The following CTRC variants were observed in gnomAD, a reference collection of about 807,000 sequenced individuals.
CTRC encodes the protein chymotrypsin-C.
In CTRC, 32 loss-of-function variants were observed where a neutral mutation model predicts 35.7. The ratio of observed to expected loss-of-function variants is 0.90; its 90% confidence interval spans 0.68 to 1.20. The LOEUF (loss-of-function observed/expected upper bound fraction) is 1.20, where lower values mean the gene tolerates loss of function less well. Among genes scored for constraint, CTRC ranks in the 50% most tolerant of loss-of-function variants. CTRC has a pLI of 0.00. For synonymous variants in CTRC, 119 were observed against 149.5 expected, an observed-to-expected ratio of 0.80 and a Z score of 1.49; for missense variants, 324 against 361.5, an observed-to-expected ratio of 0.90 and a Z score of 0.84.
chr1:15,440,635 G>A lies in CTRC; in HGVS notation c.230+45G>A, dbSNP rs545837377. 95 of 1,570,976 alleles carry A rather than the reference G, an allele frequency of 6.0e-5. No homozygotes were observed. In the East Asian group the frequency reaches 8.4e-4, roughly 14 times the overall value. On this transcript the variant is annotated intron_variant, in intron 3 of 7. Coordinates refer to ENST00000375949, the MANE Select transcript of CTRC (RefSeq NM_007272.3). ...TGAGACCTGGCCATCGTCCGGGGGC[G>A]GAAGCCTGATACTCTGCTTTTTCTG...
rs536481690 is a variant in CTRC, at chr1:15,438,776, C to A, written c.40+272C>A. ...AAGCACCACGCAAGGGGGAGGGACA[C>A]GAGATGCCTCATCCTGGGTTCACCC... is the stretch of plus-strand genomic sequence containing the variant. On this transcript the variant is annotated intron_variant, in intron 1 of 7. Transcript: ENST00000375949. Among the ~76,000 whole-genome samples the A allele has an allele frequency of 3.3e-5, 5 of 152,284 alleles. No homozygotes were observed. In the East Asian group the frequency reaches 9.7e-4, roughly 29 times the overall value.
rs1199793577 is a variant in CTRC at position 15,440,514 on chromosome 1, A to G, written c.154A>G (p.Asn52Asp). 5.0e-6 allele frequency: 8 copies of G among 1,614,192 alleles called. No individual in the cohort carries two copies. Among genetic ancestry groups the G allele is most frequent in the Admixed American group, 3.3e-5 (2 of 60,026 alleles). ...PWQISLQYLKNDTWRHTCGGT... is the reference protein window; with the variant it reads ...PWQISLQYLKDDTWRHTCGGT... ...GCAGATCTCCCTCCAGTACCTCAAG[A>G]ACGACACGTGGAGGCATACGTGTGG... The change falls in exon 3 of 8, where the codon AAC becomes GAC. Residue 52 changes from asparagine (N) to aspartate (D), a missense_variant. Physicochemically the swap from Asn to Asp is conservative, Grantham distance 23. Coordinates refer to ENST00000375949, the MANE Select transcript of CTRC (RefSeq NM_007272.3).
At chr1:15,445,810 C>T (rs2103293305) in intron 7 of CTRC, 61 bp downstream of exon 7, 1 of 1,584,964 alleles carries the variant, frequency 6.3e-7, no homozygotes, top group Admixed American at 1.7e-5. Flanking sequence ...ACTCACCCAT[C>T]CCCTCACTCA....
At chr1:15,445,490 C>A (rs1403689677) in intron 6 of CTRC, 107 bp from the exon 7 acceptor site, 1 of 1,212,496 alleles carries the variant, frequency 8.2e-7, no homozygotes, top group Non-Finnish European at 1.2e-6. Flanking sequence ...TGTCCACTAA[C>A]TAAGGCTGAG....
intron 7 of CTRC, 60 bp downstream of exon 7, chr1:15,445,809 T>TC (rs1708209389): frequency 6.3e-7 from 1 of 1,584,524 alleles, no homozygotes; most frequent in Non-Finnish European, 8.7e-7. Context: ...CACTCACCCA[T>TC]CCCCTCACTC....
chr1:15,440,602 T>C lies in CTRC; in HGVS notation c.230+12T>C. 6.2e-7 allele frequency: 1 copy of C among 1,613,246 alleles called. No homozygotes were observed. On this transcript the variant is annotated intron_variant, in intron 3 of 7. Transcript: ENST00000375949. ...GCCCACTGCATCAGGTGTGCGGGGA[T>C]GATACCCTGAGACCTGGCCATCGTC...
Position 15,447,313 on chromosome 1 carries a change from T to C in CTRC, c.*724T>C. The C allele has an allele frequency of 6.4e-6, 1 of 155,702 alleles. No homozygotes were observed. The highest frequency in any genetic ancestry group is 1.4e-5 in the Non-Finnish European group (1 of 70,306). The allele number at this position is 155,702 out of a possible 1,614,324, so 9.6% of individuals were successfully genotyped here. A position where few individuals can be genotyped will look rare whatever the true frequency, so the allele number is the denominator to read the frequency against. ...AGCATCATCCTCAGGAGACATACGT[T>C]TGAAGAAGGCAATGGTTTCCACACA... On this transcript the variant is annotated 3_prime_UTR_variant, in exon 8 of 8. Transcript: ENST00000375949.
At chr1:15,442,351 C>G in intron 3 of CTRC, 96 bp from the exon 4 acceptor site, 1 of 1,472,420 alleles carries the variant, frequency 6.8e-7, no homozygotes, top group Non-Finnish European at 9.3e-7. Flanking sequence ...TCTCTTCCCC[C>G]AAAATGAGTC....
Position 15,440,564 on chromosome 1 carries a change from C to G in CTRC, c.204C>G (p.Phe68Leu), listed in dbSNP as rs773793601. Residue 68 changes from phenylalanine to leucine, a missense_variant, in exon 3 of 8, where the codon TTC (phenylalanine) becomes TTG (leucine). Physicochemically the swap from Phe to Leu is conservative, Grantham distance 22. Coordinates refer to ENST00000375949, the MANE Select transcript of CTRC (RefSeq NM_007272.3). ...TCGGTLIASN[F>L]VLTAAHCISN... ...GCGGGACTTTGATTGCTAGCAACTTCGTCCTCACTGCCGCCCACTGCATCA... is the reference window on the plus strand; with the variant it reads ...GCGGGACTTTGATTGCTAGCAACTTGGTCCTCACTGCCGCCCACTGCATCA... 6.2e-7 allele frequency: 1 copy of G among 1,614,202 alleles called. No individual in the cohort carries two copies.
At chr1:15,444,882 C>T in intron 6 of CTRC, 131 bp downstream of exon 6, 1 of 1,146,770 alleles carries the variant, frequency 8.7e-7, no homozygotes. Flanking sequence ...CCAGCAGGCT[C>T]AGGGTAAGCC....
In CTRC at chr1:15,443,554, G is replaced by C; in HGVS notation, c.492G>C (p.Trp164Cys). 1 of 1,614,214 alleles carries C rather than the reference G, an allele frequency of 6.2e-7. No individual in the cohort carries two copies. ...ATGTCACCGGCTGGGGCCGCCTCTG[G>C]AGTGAGTATCGTCCCTGGCAAATCC... The part of the protein sequence containing the change: ...PCYVTGWGRL[W>C]TNGPIADKLQ... Residue 164 changes from tryptophan (W) to cysteine (C), a missense_variant and splice_region_variant, in exon 5 of 8, where the codon TGG (tryptophan) becomes TGC (cysteine). Physicochemically the swap from Trp to Cys is radical, Grantham distance 215. Transcript: ENST00000375949.
rs1708228653 is a variant in CTRC at position 15,446,762 on chromosome 1, C to T, written c.*173C>T. On this transcript the variant is annotated 3_prime_UTR_variant, in exon 8 of 8. Transcript: ENST00000375949. ...ACCCCACTCAGCCAGTTTCCCCCAC[C>T]CTGCATTAGACAGGTGGGGAAACAG... 1.3e-6 allele frequency: 1 copy of T among 772,772 alleles called. No individual in the cohort carries two copies. The highest frequency in any genetic ancestry group is 2.7e-5 in the East Asian group (1 of 37,580). 47.9% of individuals were successfully genotyped at this position (772,772 alleles called of 1,614,324 possible).
chr1:15,447,106 C>T lies in CTRC; in HGVS notation c.*517C>T, dbSNP rs1302312341. 1 of 252,970 alleles carries T rather than the reference C, an allele frequency of 4.0e-6. No homozygotes were observed. The highest frequency in any genetic ancestry group is 1.0e-4 in the East Asian group (1 of 9,628). 15.7% of individuals were successfully genotyped at this position (252,970 alleles called of 1,614,324 possible). A position where few individuals can be genotyped will look rare whatever the true frequency, so the allele number is the denominator to read the frequency against. On this transcript the variant is annotated 3_prime_UTR_variant, in exon 8 of 8. Transcript: ENST00000375949. ...AGGCCACAGGAGGATGGCCAAAGCT[C>T]AGGGACAACCACTCCTGGGGAAGGG... is the stretch of plus-strand genomic sequence containing the variant.
rs377475504 is a variant in CTRC at position 15,440,591 on chromosome 1, G to C, written c.230+1G>C. 2 of 1,613,806 alleles carry C rather than the reference G, an allele frequency of 1.2e-6. No individual in the cohort carries two copies. Among genetic ancestry groups the C allele is most frequent in the African/African-American group, 2.7e-5 (2 of 74,926 alleles). ...TCCTCACTGCCGCCCACTGCATCAG[G>C]TGTGCGGGGATGATACCCTGAGACC... On this transcript the variant is annotated splice_donor_variant, in intron 3 of 7. Coordinates refer to ENST00000375949, the MANE Select transcript of CTRC (RefSeq NM_007272.3). LOFTEE classifies it high-confidence loss of function.
chr1:15,445,573 T>C, intron 6 of CTRC, 24 bp from the exon 7 acceptor site: 1 of 1,612,108 alleles, frequency 6.2e-7, no homozygotes, highest in Non-Finnish European at 8.5e-7. Flanking sequence ...GCCTGGTGGC[T>C]TATGCCCTCC....
At chr1:15,445,883 C>A (rs752111877) in intron 7 of CTRC, 134 bp downstream of exon 7, 2 of 1,012,494 alleles carry the variant, frequency 2.0e-6, no homozygotes, top group South Asian at 1.3e-5. Context: ...TTTATTCACT[C>A]ATTCATGCAT....
At chr1:15,440,226 G>GGGGGCCCCCC in intron 1 of CTRC, 74 bp from the exon 2 acceptor site, 2 of 523,578 alleles carry the variant, frequency 3.8e-6, no homozygotes, top group Non-Finnish European at 7.3e-6. Flanking sequence ...TCTTCCACCT[G>GGGGGCCCCCC]CCCACCCTCC....
Position 15,443,428 on chromosome 1 carries a change from T to G in CTRC, c.366T>G (p.Ile122Met). ...RWNALLLRND[I>M]ALIKLAEHVE... The stretch of plus-strand genomic sequence containing the variant: ...CCACTTTGGATTCCAGCAATGATAT[T>G]GCCCTCATCAAGCTTGCAGAGCATG... The change falls in exon 5 of 8, where the codon ATT becomes ATG. Residue 122 changes from isoleucine to methionine, a missense_variant. By Grantham distance (10) the Ile-to-Met change is conservative. Transcript: ENST00000375949. The G allele has an allele frequency of 3.1e-6, 5 of 1,614,222 alleles. No individual in the cohort carries two copies. The highest frequency in any genetic ancestry group is 4.2e-6 in the Non-Finnish European group (5 of 1,180,040).
chr1:15,440,803 G>A (rs1274184450), intron 3 of CTRC, among the ~76,000 whole-genome samples: 1 of 152,136 alleles, frequency 6.6e-6, no homozygotes, highest in Non-Finnish European at 1.5e-5. Flanking sequence ...TGTGCTCTCG[G>A]GAAGCTTATA....
Sources: allele counts gnomAD v4.1 joint callset (sites outside exome capture counted in the v4.1 genomes callset), GRCh38; gene constraint gnomAD v4.1.1; transcripts MANE v1.5; gene names NCBI Gene and HGNC (gene_info 2026-07-23, HGNC 2026-07-21).